Variants in ADAMTS16 observed in about 807,000 individuals in gnomAD.
ADAMTS16 encodes A disintegrin and metalloproteinase with thrombospondin motifs 16.
Under a neutral mutation model 145.8 loss-of-function variants are expected in ADAMTS16, and 94 were observed. That is an observed-to-expected ratio of 0.64 (90% CI 0.55 to 0.77). The LOEUF is 0.77. ADAMTS16 is among the 30% of genes least tolerant of loss of function. The probability of loss-of-function intolerance (pLI) is 0.00; values close to 1 mark genes in which losing one functional copy is unlikely to be tolerated. For synonymous variants in ADAMTS16, 659 were observed against 604.3 expected, an observed-to-expected ratio of 1.09 and a Z score of -1.33; for missense variants, 1,585 against 1,591.5, an observed-to-expected ratio of 1.00 and a Z score of 0.07.
At chr5:5,247,289 A>G (rs1326921018) in intron 17 of ADAMTS16, among the ~76,000 whole-genome samples, 1 of 152,100 alleles carries the variant, frequency 6.6e-6, no homozygotes, top group African/African-American at 2.4e-5. Flanking sequence ...GAGCTGATCT[A>G]CTAAAAACGT....
chr5:5,160,757 C>CAA (rs35314305), intron 3 of ADAMTS16, among the ~76,000 whole-genome samples: 4,864 of 143,128 alleles, frequency 0.034, 239 homozygotes, highest in African/African-American at 0.11. Flanking sequence ...AAAAATATAC[C>CAA]AAAAAAAAAA....
At chr5:5,314,771 C>T (rs930178870) in intron 21 of ADAMTS16, among the ~76,000 whole-genome samples, 1 of 152,130 alleles carries the variant, frequency 6.6e-6, no homozygotes, top group Non-Finnish European at 1.5e-5. Flanking sequence ...GGGAACGGCA[C>T]CGATTCTGAC....
chr5:5,241,663 A>G (rs992927110), intron 16 of ADAMTS16, among the ~76,000 whole-genome samples: 3 of 152,252 alleles, frequency 2.0e-5, no homozygotes, highest in African/African-American at 7.2e-5. Context: ...GATCCCAAAG[A>G]AACACCAATG....
chr5:5,216,980 C>T (rs1411777742), intron 10 of ADAMTS16, among the ~76,000 whole-genome samples: 1 of 151,758 alleles, frequency 6.6e-6, no homozygotes, highest in African/African-American at 2.4e-5. Flanking sequence ...TGTATATGTG[C>T]CACATATTCT....
intron 6 of ADAMTS16, 121 bp from the exon 7 acceptor site, chr5:5,189,850 C>A: frequency 8.2e-7 from 1 of 1,220,222 alleles, no homozygotes; most frequent in Non-Finnish European, 1.2e-6. Flanking sequence ...AGCTTATATG[C>A]CATCCAGATC....
intron 18 of ADAMTS16, among the ~76,000 whole-genome samples, chr5:5,292,490 T>G (rs1305489498): frequency 2.2e-5 from 3 of 135,536 alleles, no homozygotes; most frequent in Non-Finnish European, 4.7e-5. Flanking sequence ...AGAGTGGGAC[T>G]CCAGCTCAAA....
intron 18 of ADAMTS16, among the ~76,000 whole-genome samples, chr5:5,275,450 A>G (rs1421565736): frequency 6.6e-6 from 1 of 152,096 alleles, no homozygotes; most frequent in Non-Finnish European, 1.5e-5. Context: ...ATCAAATTCC[A>G]TAGTTATTTA....
intron 3 of ADAMTS16, among the ~76,000 whole-genome samples, chr5:5,175,151 G>A (rs558292055): frequency 6.6e-6 from 1 of 152,244 alleles, no homozygotes; most frequent in East Asian, 1.9e-4. Context: ...CTCACCCAAG[G>A]CCCATGTCGA....
chr5:5,180,219 CTCAG>C (rs1178920106), intron 3 of ADAMTS16, among the ~76,000 whole-genome samples: 3 of 152,186 alleles, frequency 2.0e-5, no homozygotes, highest in African/African-American at 7.2e-5. Context: ...TAGTGAGTGT[CTCAG>C]TCAGTGGGCA....
At chr5:5,162,375 T>C (rs903187772) in intron 3 of ADAMTS16, among the ~76,000 whole-genome samples, 1 of 152,150 alleles carries the variant, frequency 6.6e-6, no homozygotes, top group African/African-American at 2.4e-5. Context: ...CTAACAAGGG[T>C]GAGAGCCCGG....
chr5:5,273,556 T>A (rs1057166651), intron 18 of ADAMTS16, among the ~76,000 whole-genome samples: 1 of 152,148 alleles, frequency 6.6e-6, no homozygotes, highest in African/African-American at 2.4e-5. Context: ...TAAACACTGT[T>A]AGGGAGCTGT....
intron 2 of ADAMTS16, chr5:5,142,221 C>T (rs897188047): frequency 6.6e-6 from 1 of 152,208 alleles, no homozygotes; most frequent in African/African-American, 2.4e-5. Flanking sequence ...GGCTTCGTGC[C>T]TAAGTGTGCT....
chr5:5,160,223 A>G (rs749323426), intron 3 of ADAMTS16, among the ~76,000 whole-genome samples: 16 of 152,200 alleles, frequency 1.1e-4, no homozygotes, highest in South Asian at 6.2e-4. Context: ...CCCAAATTTA[A>G]TGTAGCCTTA....
intron 21 of ADAMTS16, among the ~76,000 whole-genome samples, chr5:5,307,171 G>C (rs900124454): frequency 6.6e-6 from 1 of 152,016 alleles, no homozygotes; most frequent in Non-Finnish European, 1.5e-5. Flanking sequence ...CCTTCCTCGG[G>C]GTCTTTGTTC....
rs541012593 is a variant in ADAMTS16 at position 5,284,827 on chromosome 5, T to A, written c.2790-18441T>A. On this transcript the variant is annotated intron_variant, in intron 18 of 22. Transcript: ENST00000274181. The stretch of plus-strand genomic sequence containing the variant: ...GAGGGGTTTGTAATTTTTCTGTAGG[T>A]TCCATGTGAGGTTTCTTTTTTCCCA... Among the ~76,000 whole-genome samples the A allele has an allele frequency of 2.0e-5, 3 of 152,330 alleles. No individual in the cohort carries two copies. In the East Asian group the frequency reaches 5.8e-4, roughly 29 times the overall value.
chr5:5,176,877 C>T (rs1387969144), intron 3 of ADAMTS16, among the ~76,000 whole-genome samples: 1 of 152,160 alleles, frequency 6.6e-6, no homozygotes, highest in African/African-American at 2.4e-5. Flanking sequence ...TTGTGGGGCA[C>T]ATAGACAGTT....
chr5:5,140,795 C>T, intron 2 of ADAMTS16, 29 bp downstream of exon 2: 4 of 1,523,198 alleles, frequency 2.6e-6, no homozygotes, highest in Non-Finnish European at 1.8e-6. Flanking sequence ...GGCTTCTAAT[C>T]CTTGCCATTT....
chr5:5,199,614 T>G (rs2895488), intron 8 of ADAMTS16, among the ~76,000 whole-genome samples: 139,252 of 152,272 alleles, frequency 0.91, 63,752 homozygotes, highest in African/African-American at 0.96. Context: ...AGCCCACCAT[T>G]AGTTGCAGTA....
At chr5:5,201,369 A>T (rs971576021) in intron 9 of ADAMTS16, among the ~76,000 whole-genome samples, 2 of 152,230 alleles carry the variant, frequency 1.3e-5, no homozygotes, top group African/African-American at 2.4e-5. Context: ...TTAAAAATTT[A>T]AAAAAGCAAA....
Sources: allele counts gnomAD v4.1 joint callset (sites outside exome capture counted in the v4.1 genomes callset), GRCh38; gene constraint gnomAD v4.1.1; transcripts MANE v1.5; gene names NCBI Gene and HGNC (gene_info 2026-07-23, HGNC 2026-07-21).